The following SGCZ variants were observed in gnomAD, a reference collection of about 807,000 sequenced individuals.
The protein encoded by SGCZ is zeta-sarcoglycan.
A neutral mutation model predicts 41.3 loss-of-function variants in SGCZ; 40 were observed. That is an observed-to-expected ratio of 0.97 (90% CI 0.75 to 1.26). The LOEUF (loss-of-function observed/expected upper bound fraction) is 1.26. SGCZ is among the 50% of genes most tolerant of loss of function. The pLI is 0.00. For missense variants in SGCZ, 552 were observed against 369.8 expected, an observed-to-expected ratio of 1.49 and a Z score of -4.04; for synonymous variants, 206 against 137.5, an observed-to-expected ratio of 1.50 and a Z score of -3.49.
chr8:14,174,629 G>C (rs1222181002), intron 4 of SGCZ, among the ~76,000 whole-genome samples: 1 of 152,126 alleles, frequency 6.6e-6, no homozygotes. Context: ...ACAACACTGA[G>C]AAAATAAAGA....
intron 2 of SGCZ, among the ~76,000 whole-genome samples, chr8:14,404,429 GC>G (rs1396574863): frequency 6.6e-6 from 1 of 152,096 alleles, no homozygotes; most frequent in East Asian, 1.9e-4. Flanking sequence ...ATTCAAAGAG[GC>G]AGGGGAGAAA....
chr8:14,839,129 C>A (rs1802810510), intron 1 of SGCZ, among the ~76,000 whole-genome samples: 1 of 152,064 alleles, frequency 6.6e-6, no homozygotes, highest in Non-Finnish European at 1.5e-5. Flanking sequence ...TGTAACACTC[C>A]AGCTGAGAAT....
chr8:14,201,274 T>C (rs1805446553), intron 4 of SGCZ, among the ~76,000 whole-genome samples: 1 of 152,100 alleles, frequency 6.6e-6, no homozygotes, highest in Admixed American at 6.5e-5. Flanking sequence ...CCCCAGGTAT[T>C]TATGTCATCA....
intron 1 of SGCZ, among the ~76,000 whole-genome samples, chr8:14,641,513 C>T (rs757863156): frequency 3.3e-5 from 5 of 151,604 alleles, no homozygotes; most frequent in Non-Finnish European, 7.4e-5. Context: ...TTGTTTAAAA[C>T]GTTTTTAGAG....
chr8:14,250,109 A>G (rs571132832), intron 3 of SGCZ, among the ~76,000 whole-genome samples: 2 of 152,320 alleles, frequency 1.3e-5, no homozygotes, highest in East Asian at 3.9e-4. Context: ...ATGCCAACAA[A>G]GCTGGTCTGC....
chr8:14,620,113 C>G (rs1188023690), intron 1 of SGCZ, among the ~76,000 whole-genome samples: 9 of 152,104 alleles, frequency 5.9e-5, no homozygotes, highest in Admixed American at 1.3e-4. Flanking sequence ...TGGAACAGAA[C>G]AGAGCCCTCC....
intron 1 of SGCZ, among the ~76,000 whole-genome samples, chr8:15,036,991 C>A (rs529745252): frequency 1.3e-5 from 2 of 152,134 alleles, no homozygotes; most frequent in East Asian, 3.9e-4. Flanking sequence ...TGAAGAGAAA[C>A]TATAAGATAA....
intron 1 of SGCZ, among the ~76,000 whole-genome samples, chr8:14,611,716 T>A (rs914140851): frequency 1.3e-5 from 2 of 152,186 alleles, no homozygotes; most frequent in East Asian, 3.9e-4. Context: ...AATATTTCCA[T>A]ATGTAGTTGA....
intron 1 of SGCZ, among the ~76,000 whole-genome samples, chr8:14,750,819 G>T (rs1276060534): frequency 1.3e-5 from 2 of 152,124 alleles, no homozygotes; most frequent in Non-Finnish European, 2.9e-5. Flanking sequence ...TTTGCGAAAT[G>T]CATATTACTG....
At chr8:14,785,779 C>T (rs959582685) in intron 1 of SGCZ, among the ~76,000 whole-genome samples, 1 of 152,130 alleles carries the variant, frequency 6.6e-6, no homozygotes, top group East Asian at 1.9e-4. Context: ...TCTTTTTGTA[C>T]ATTTCAGCTT....
intron 3 of SGCZ, among the ~76,000 whole-genome samples, chr8:14,290,529 C>G (rs1173086092): frequency 6.6e-6 from 1 of 151,856 alleles, no homozygotes; most frequent in Non-Finnish European, 1.5e-5. Flanking sequence ...GGTCAAAAAC[C>G]TGAATAGACA....
At chr8:14,440,306 T>A (rs75156962) in intron 2 of SGCZ, among the ~76,000 whole-genome samples, 4 of 152,126 alleles carry the variant, frequency 2.6e-5, no homozygotes, top group African/African-American at 9.7e-5. Context: ...AAAAATATGC[T>A]AAATAATTCA....
At chr8:14,171,606 A>G (rs1343977077) in intron 4 of SGCZ, among the ~76,000 whole-genome samples, 1 of 152,026 alleles carries the variant, frequency 6.6e-6, no homozygotes, top group Non-Finnish European at 1.5e-5. Context: ...AAGTACATAT[A>G]TTTACATTTT....
At chr8:14,835,901 C>T (rs1802685664) in intron 1 of SGCZ, among the ~76,000 whole-genome samples, 1 of 152,194 alleles carries the variant, frequency 6.6e-6, no homozygotes, top group Non-Finnish European at 1.5e-5. Flanking sequence ...GGAATAAAAG[C>T]TGCTGAGTAA....
chr8:15,228,710 A>C (rs1801851689), intron 1 of SGCZ, among the ~76,000 whole-genome samples: 1 of 152,234 alleles, frequency 6.6e-6, no homozygotes, highest in Admixed American at 6.5e-5. Context: ...AGAATGCCTT[A>C]GAACAGGTAG....
chr8:14,728,807 A>C (rs770571887), intron 1 of SGCZ, among the ~76,000 whole-genome samples: 2 of 152,210 alleles, frequency 1.3e-5, no homozygotes, highest in Non-Finnish European at 2.9e-5. Flanking sequence ...AATGAAACAA[A>C]GTTGAATGCG....
At chr8:14,795,359 G>C (rs1801088509) in intron 1 of SGCZ, among the ~76,000 whole-genome samples, 1 of 152,238 alleles carries the variant, frequency 6.6e-6, no homozygotes, top group East Asian at 1.9e-4. Flanking sequence ...CACTTATAAT[G>C]TATGACTTCA....
chr8:14,282,206 C>G (rs1800469674), intron 3 of SGCZ, among the ~76,000 whole-genome samples: 1 of 152,028 alleles, frequency 6.6e-6, no homozygotes, highest in African/African-American at 2.4e-5. Flanking sequence ...CCTTAATAGA[C>G]TAACCCTTAA....
At chr8:14,104,523 A>C (rs1802141799) in intron 6 of SGCZ, among the ~76,000 whole-genome samples, 1 of 152,178 alleles carries the variant, frequency 6.6e-6, no homozygotes, top group Non-Finnish European at 1.5e-5. Flanking sequence ...GCAAGAGGCA[A>C]TTATTAAATA....
Sources: gnomAD v4.1 joint callset for allele counts (sites outside exome capture counted in the v4.1 genomes callset) on GRCh38, gnomAD v4.1.1 for gene constraint, MANE v1.5 for transcripts, NCBI Gene and HGNC (gene_info 2026-07-23, HGNC 2026-07-21) for gene names.